MAPKAP1: variants seen among roughly 807,000 people sequenced by gnomAD.
MAPKAP1 encodes MAPK associated protein 1, also known as target of rapamycin complex 2 subunit MAPKAP1.
MAPKAP1 carries 20 observed loss-of-function variants against 65.7 expected under a neutral mutation model. The ratio of observed to expected loss-of-function variants is 0.30; its 90% CI spans 0.21 to 0.44. The LOEUF is 0.44. MAPKAP1 is among the 20% of genes least tolerant of loss of function. The pLI is 1.00. For synonymous variants in MAPKAP1, 222 were observed against 244.3 expected, an observed-to-expected ratio of 0.91 and a Z score of 0.85; for missense variants, 423 against 648.0, an observed-to-expected ratio of 0.65 and a Z score of 3.77.
intron 9 of MAPKAP1, among the ~76,000 whole-genome samples, chr9:125,472,875 T>C (rs1853971887): frequency 6.6e-6 from 1 of 152,260 alleles, no homozygotes; most frequent in Admixed American, 6.5e-5. Context: ...TTTCCTTTTC[T>C]GTATTTTTTC....
intron 7 of MAPKAP1, among the ~76,000 whole-genome samples, chr9:125,524,730 C>T (rs888489586): frequency 2.0e-4 from 31 of 152,222 alleles, no homozygotes; most frequent in Non-Finnish European, 4.4e-5. Context: ...AACAGTAAAT[C>T]CAGCAGCTTC....
intron 6 of MAPKAP1, among the ~76,000 whole-genome samples, chr9:125,554,735 G>A (rs1025456749): frequency 2.8e-5 from 4 of 141,856 alleles, no homozygotes; most frequent in East Asian, 2.0e-4. Context: ...GTTTGGGGCT[G>A]CAGTGAGCCA....
At chr9:125,512,793 C>T (rs1829341723) in intron 7 of MAPKAP1, 1 of 152,200 alleles carries the variant, frequency 6.6e-6, no homozygotes, top group Non-Finnish European at 1.5e-5. Context: ...CCATGTTAGC[C>T]AGGATGGTCT....
intron 4 of MAPKAP1, among the ~76,000 whole-genome samples, chr9:125,649,320 G>A (rs577848082): frequency 1.3e-5 from 2 of 152,252 alleles, no homozygotes; most frequent in South Asian, 2.1e-4. Flanking sequence ...ACAAAAATAC[G>A]TCCATGTTGT....
intron 1 of MAPKAP1, among the ~76,000 whole-genome samples, chr9:125,705,290 A>T (rs1352610210): frequency 2.0e-5 from 3 of 152,216 alleles, no homozygotes; most frequent in African/African-American, 7.2e-5. Context: ...GTCTCCTACC[A>T]GCTGTGTAAT....
chr9:125,535,663 T>C (rs1327200475), intron 7 of MAPKAP1, among the ~76,000 whole-genome samples: 1 of 152,218 alleles, frequency 6.6e-6, no homozygotes, highest in Non-Finnish European at 1.5e-5. Context: ...ATATACACTT[T>C]CCAGAATTTC....
intron 1 of MAPKAP1, among the ~76,000 whole-genome samples, chr9:125,698,298 T>TATATAAA (rs1564622397): frequency 2.6e-3 from 34 of 12,850 alleles, no homozygotes; most frequent in African/African-American, 0.01. Flanking sequence ...AATATATATA[T>TATATAAA]ATATATATAT....
At chr9:125,645,945 T>C (rs1164453906) in intron 4 of MAPKAP1, among the ~76,000 whole-genome samples, 1 of 150,532 alleles carries the variant, frequency 6.6e-6, no homozygotes, top group African/African-American at 2.5e-5. Flanking sequence ...TGCCACTAAA[T>C]AAAATTTTTA....
At chr9:125,520,635 G>A (rs7861903) in intron 7 of MAPKAP1, among the ~76,000 whole-genome samples, 20,326 of 152,194 alleles carry the variant, frequency 0.13, 3,086 homozygotes, top group African/African-American at 0.38. Flanking sequence ...TGCAAGTTGA[G>A]AATGGAGAGC....
intron 4 of MAPKAP1, chr9:125,596,580 T>C (rs1418933780): frequency 7.3e-6 from 5 of 683,520 alleles, no homozygotes; most frequent in African/African-American, 3.5e-5. Flanking sequence ...GAGGTGGCTA[T>C]GGCAGTTCCA....
chr9:125,460,719 T>C (rs904849625), intron 10 of MAPKAP1, among the ~76,000 whole-genome samples: 32 of 152,214 alleles, frequency 2.1e-4, no homozygotes, highest in South Asian at 4.1e-4. Context: ...TGAGGGTCAA[T>C]AGCAATAGTT....
At chr9:125,676,119 C>G (rs1379540863) in intron 1 of MAPKAP1, among the ~76,000 whole-genome samples, 5 of 152,164 alleles carry the variant, frequency 3.3e-5, no homozygotes, top group African/African-American at 1.2e-4. Flanking sequence ...CTAACTCTGG[C>G]AAGGGTTCAG....
At chr9:125,644,713 C>T (rs1290788852) in intron 4 of MAPKAP1, among the ~76,000 whole-genome samples, 6 of 152,124 alleles carry the variant, frequency 3.9e-5, no homozygotes, top group Admixed American at 3.3e-4. Flanking sequence ...CTATTGGAAA[C>T]TGGTTCTATT....
At chr9:125,612,160 C>A (rs542302203) in intron 4 of MAPKAP1, among the ~76,000 whole-genome samples, 1 of 152,252 alleles carries the variant, frequency 6.6e-6, no homozygotes, top group African/African-American at 2.4e-5. Flanking sequence ...CTTATAAGCG[C>A]TCAAAAAGTT....
At chr9:125,653,908 C>T (rs1833960940) in intron 4 of MAPKAP1, among the ~76,000 whole-genome samples, 1 of 152,074 alleles carries the variant, frequency 6.6e-6, no homozygotes, top group South Asian at 2.1e-4. Flanking sequence ...TTATTACTAA[C>T]TGTATTGACA....
chr9:125,639,259 AAAAC>A (rs1447789951), intron 4 of MAPKAP1, among the ~76,000 whole-genome samples: 1 of 152,062 alleles, frequency 6.6e-6, no homozygotes, highest in Non-Finnish European at 1.5e-5. Context: ...AAGACAAAAC[AAAAC>A]AAACAAAAAA....
intron 7 of MAPKAP1, among the ~76,000 whole-genome samples, chr9:125,541,812 T>C (rs1830257415): frequency 6.6e-6 from 1 of 152,280 alleles, no homozygotes. Flanking sequence ...TCAAGATTTA[T>C]ATGCATTGTT....
intron 1 of MAPKAP1, among the ~76,000 whole-genome samples, chr9:125,678,044 A>G (rs1015576570): frequency 6.6e-6 from 1 of 151,974 alleles, no homozygotes; most frequent in Non-Finnish European, 1.5e-5. Context: ...CAGCCTCCCA[A>G]GTAGCTTGGA....
chr9:125,474,398 T>C (rs970046476), intron 9 of MAPKAP1, among the ~76,000 whole-genome samples: 1 of 152,220 alleles, frequency 6.6e-6, no homozygotes, highest in African/African-American at 2.4e-5. Context: ...ATCCTCATCC[T>C]ACTGGGTCTC....
Sources: gnomAD v4.1 joint callset for allele counts (sites outside exome capture counted in the v4.1 genomes callset) on GRCh38, gnomAD v4.1.1 for gene constraint, MANE v1.5 for transcripts, NCBI Gene and HGNC (gene_info 2026-07-23, HGNC 2026-07-21) for gene names.